Variants in MAP1LC3B observed in about 807,000 individuals in gnomAD.
MAP1LC3B encodes microtubule-associated protein 1 light chain 3 beta.
MAP1LC3B carries 12 observed loss-of-function variants against 16.7 expected under a neutral mutation model. The observed-to-expected ratio is 0.72, with a 90% confidence interval of 0.46 to 1.16. The LOEUF is 1.16. Among genes scored for constraint, MAP1LC3B ranks in the 50% most tolerant of loss-of-function variants. The pLI, the probability that MAP1LC3B is intolerant of heterozygous loss-of-function variation, is 0.00. For synonymous variants in MAP1LC3B, 63 were observed against 56.5 expected (o/e 1.11, Z -0.51); for missense variants, 155 against 159.5 (o/e 0.97, Z 0.15).
At chr16:87,392,923 CGGGACCCA>C (rs972069314) in intron 1 of MAP1LC3B, 2 of 152,210 alleles carry the variant, frequency 1.3e-5, no homozygotes, top group Non-Finnish European at 2.9e-5. Context: ...GGGGCTGCGC[CGGGACCCA>C]GCGCGTCACC....
intron 2 of MAP1LC3B, among the ~76,000 whole-genome samples, chr16:87,400,757 G>T (rs1035578097): frequency 6.6e-6 from 1 of 151,216 alleles, no homozygotes; most frequent in Non-Finnish European, 1.5e-5. Flanking sequence ...AGGTGGGCCT[G>T]GAACGCATAG....
At chr16:87,402,114 T>C (rs1908015504) in intron 2 of MAP1LC3B, 61 bp from the exon 3 acceptor site, 2 of 1,567,478 alleles carry the variant, frequency 1.3e-6, no homozygotes, top group Non-Finnish European at 1.8e-6. Flanking sequence ...GGGTTACAGG[T>C]GTGAGCCACC....
chr16:87,395,408 C>T (rs1338787326), intron 1 of MAP1LC3B, among the ~76,000 whole-genome samples: 1 of 152,176 alleles, frequency 6.6e-6, no homozygotes, highest in Non-Finnish European at 1.5e-5. Context: ...TGACTGCCAG[C>T]GGGGCAGTCT....
chr16:87,399,612 T>C (rs908185714), intron 2 of MAP1LC3B: 3 of 455,494 alleles, frequency 6.6e-6, no homozygotes, highest in Non-Finnish European at 1.3e-5. Context: ...GAAGAATTAC[T>C]GTATATAGAA....
In MAP1LC3B at chr16:87,398,889, C is replaced by G. The variant is rs200762986; in HGVS notation, c.96+19C>G. The G allele has an allele frequency of 1.5e-5, 24 of 1,611,138 alleles. No homozygotes were observed. In the African/African-American group the frequency reaches 3.2e-4, roughly 21 times the overall value. On this transcript the variant is annotated intron_variant, in intron 2 of 3. Transcript: ENST00000268607. ...AATCCCGGTAGGTAGTCTCAGGCCT[C>G]GGTTTCAGTCATGAATGTACGCAGA...
At chr16:87,393,639 G>A (rs1210184600) in intron 1 of MAP1LC3B, among the ~76,000 whole-genome samples, 1 of 151,738 alleles carries the variant, frequency 6.6e-6, no homozygotes, top group Non-Finnish European at 1.5e-5. Flanking sequence ...AGACTTACAC[G>A]TGCCTTTTTT....
chr16:87,398,902 G>C, intron 2 of MAP1LC3B, 32 bp downstream of exon 2: 1 of 1,597,580 alleles, frequency 6.3e-7, no homozygotes, highest in Non-Finnish European at 8.6e-7. Context: ...TTTCAGTCAT[G>C]AATGTACGCA....
chr16:87,400,365 G>C (rs1470353127), intron 2 of MAP1LC3B: 1 of 151,444 alleles, frequency 6.6e-6, no homozygotes, highest in Non-Finnish European at 1.5e-5. Flanking sequence ...ATTTTTAGTA[G>C]AGACGGGGTT....
At chr16:87,401,908 C>CT (rs1908006534) in intron 2 of MAP1LC3B, among the ~76,000 whole-genome samples, 1 of 151,942 alleles carries the variant, frequency 6.6e-6, no homozygotes, top group Non-Finnish European at 1.5e-5. Flanking sequence ...TCTCGGCTCA[C>CT]TGCAAGCTCC....
At chr16:87,400,937 A>G (rs1295040068) in intron 2 of MAP1LC3B, among the ~76,000 whole-genome samples, 1 of 152,076 alleles carries the variant, frequency 6.6e-6, no homozygotes, top group African/African-American at 2.4e-5. Context: ...GTTCGAGACC[A>G]GCCTGACCAA....
chr16:87,401,761 C>T (rs1036963142), intron 2 of MAP1LC3B, among the ~76,000 whole-genome samples: 1 of 151,858 alleles, frequency 6.6e-6, no homozygotes. Flanking sequence ...AACTCCTGAC[C>T]TCAGGTGATC....
At chr16:87,399,218 A>G (rs541898405) in intron 2 of MAP1LC3B, 5 of 275,046 alleles carry the variant, frequency 1.8e-5, no homozygotes, top group African/African-American at 8.9e-5. Flanking sequence ...ATGTTTAACA[A>G]CCCAGGCTGA....
intron 1 of MAP1LC3B, among the ~76,000 whole-genome samples, chr16:87,393,749 T>G (rs1458131355): frequency 6.6e-6 from 1 of 152,142 alleles, no homozygotes; most frequent in African/African-American, 2.4e-5. Context: ...TTTCTTTTCT[T>G]TTTTATTTTG....
Position 87,403,807 on chromosome 16 carries a change from G to A in MAP1LC3B, c.*710G>A, listed in dbSNP as rs922213513. 6.6e-6 allele frequency: 1 copy of A among 152,160 alleles called. No homozygotes were observed. The highest frequency in any genetic ancestry group is 6.5e-5 in the Admixed American group (1 of 15,284). 9.4% of individuals were successfully genotyped at this position (152,160 alleles called of 1,614,324 possible). A position where few individuals can be genotyped will look rare whatever the true frequency, so the allele number is the denominator to read the frequency against. ...GGAAACTTGAATAATTTATAATTTT[G>A]ATCGAGTTTCTTAAAAGACCCTGGA... On this transcript the variant is annotated 3_prime_UTR_variant, in exon 4 of 4. Transcript: ENST00000268607.
Position 87,397,955 on chromosome 16 carries a change from C to G in MAP1LC3B, c.41-860C>G, listed in dbSNP as rs976122489. On this transcript the variant is annotated intron_variant, in intron 1 of 3. Coordinates refer to ENST00000268607, the MANE Select transcript of MAP1LC3B (RefSeq NM_022818.5). ...CTGGACTTGGCTTGTTTTTTTTTCC[C>G]TGTATTGCCCACAGTCTAGTACAGT... Among the ~76,000 whole-genome samples, 4 of 151,092 alleles carry G rather than the reference C, an allele frequency of 2.6e-5. No homozygotes were observed. The East Asian group carries it at 5.8e-4, about 22-fold the overall frequency.
At chr16:87,396,131 G>C (rs545310564) in intron 1 of MAP1LC3B, among the ~76,000 whole-genome samples, 12 of 151,674 alleles carry the variant, frequency 7.9e-5, no homozygotes, top group African/African-American at 4.8e-5. Context: ...AAAGTGCTGG[G>C]TTTACGAGCG....
intron 1 of MAP1LC3B, among the ~76,000 whole-genome samples, chr16:87,395,749 G>C (rs187253170): frequency 6.8e-6 from 1 of 147,810 alleles, no homozygotes; most frequent in African/African-American, 2.5e-5. Context: ...AATCATTTTT[G>C]TCTTTTTAGG....
At chr16:87,398,753 G>A in intron 1 of MAP1LC3B, 62 bp from the exon 2 acceptor site, 1 of 1,418,458 alleles carries the variant, frequency 7.0e-7, no homozygotes, top group Non-Finnish European at 1.0e-6. Flanking sequence ...AGAACCAGCA[G>A]CAGTGCTGGG....
At chr16:87,398,751 C>T in intron 1 of MAP1LC3B, 64 bp from the exon 2 acceptor site, 1 of 1,421,274 alleles carries the variant, frequency 7.0e-7, no homozygotes, top group African/African-American at 1.4e-5. Context: ...GGAGAACCAG[C>T]AGCAGTGCTG....
Sources: allele counts gnomAD v4.1 joint callset (sites outside exome capture counted in the v4.1 genomes callset), GRCh38; gene constraint gnomAD v4.1.1; transcripts MANE v1.5; gene names NCBI Gene and HGNC (gene_info 2026-07-23, HGNC 2026-07-21).